PUDP: variants seen among roughly 807,000 people sequenced by gnomAD.
PUDP encodes pseudouridine-5'-phosphatase.
In PUDP, 8 loss-of-function variants were observed where a neutral mutation model predicts 9.4. The ratio of observed to expected loss-of-function variants is 0.85; its 90% CI spans 0.50 to 1.53. The LOEUF (loss-of-function observed/expected upper bound fraction) is 1.53, where lower values mean the gene tolerates loss of function less well. Among genes scored for constraint, PUDP ranks in the 40% most tolerant of loss-of-function variants. PUDP has a pLI of 0.00. For synonymous variants in PUDP, 99 were observed against 80.7 expected (o/e 1.23, Z -1.22); for missense variants, 188 against 189.7 (o/e 0.99, Z 0.05).
chrX:6,737,551 G>A (rs1317492893), intron 3 of PUDP, among the ~76,000 whole-genome samples: 1 of 106,186 alleles, frequency 9.4e-6, no homozygotes, highest in Non-Finnish European at 1.9e-5. Flanking sequence ...CCTGAAGGAG[G>A]AGCATTCCTG....
intron 3 of PUDP, among the ~76,000 whole-genome samples, chrX:6,837,544 G>C (rs1926601991): frequency 1.8e-5 from 2 of 112,707 alleles, no homozygotes; most frequent in Admixed American, 1.9e-4. Flanking sequence ...TCCTGGAAGG[G>C]AGTTAGAATT....
intron 3 of PUDP, among the ~76,000 whole-genome samples, chrX:6,775,504 T>C (rs6639668): frequency 2.0e-4 from 20 of 100,843 alleles, no homozygotes; most frequent in East Asian, 9.2e-4. Context: ...TACACACACA[T>C]ACACACACAC....
rs970614895 is a variant in PUDP, at chrX:7,105,705, C to T, written c.195G>A (p.Leu65=). The T allele has an allele frequency of 3.3e-6, 4 of 1,207,735 alleles. No individual in the cohort carries two copies. In the African/African-American group the frequency reaches 5.3e-5, roughly 16 times the overall value. Residue 65 remains leucine, a synonymous_variant, in exon 2 of 4, where the codon TTG becomes TTA. Coordinates refer to ENST00000381077, the MANE Select transcript of PUDP (RefSeq NM_012080.5). ...LEAAQIIIDV[L]QLPMSKEELV... is the part of the protein sequence containing the mutation. ...GCTCCTCTTTGGACATCGGGAGCTG[C>T]AAGACGTCTATTATAATCTGTGCCG...
chrX:6,794,828 G>C lies in PUDP; in HGVS notation c.*248-88362C>G, dbSNP rs191666286. On this transcript the variant is annotated intron_variant and NMD_transcript_variant, in intron 3 of 3. Coordinates refer to the PUDP transcript ENST00000655425. The stretch of plus-strand genomic sequence containing the variant: ...GCCACCTTGGCCTCCCAAAGTGCTG[G>C]GATTACAGGTGTGAGCCACCACACC... Among the ~76,000 whole-genome samples the C allele has an allele frequency of 1.5e-4, 16 of 109,171 alleles. No individual in the cohort carries two copies. In the Admixed American group the frequency reaches 1.5e-3, roughly 10 times the overall value. The allele number at this position is 109,171 out of a possible 115,157, so 94.8% of individuals were successfully genotyped here. A position where few individuals can be genotyped will look rare whatever the true frequency, so the allele number is the denominator to read the frequency against.
chrX:6,813,975 A>C (rs1390529319), intron 3 of PUDP, among the ~76,000 whole-genome samples: 1 of 111,333 alleles, frequency 9.0e-6, no homozygotes, highest in Non-Finnish European at 1.9e-5. Context: ...AGTGAAACGC[A>C]TTGGCTCACC....
At chrX:7,023,888 C>G (rs1337934943) in intron 1 of PUDP, among the ~76,000 whole-genome samples, 1 of 112,179 alleles carries the variant, frequency 8.9e-6, no homozygotes, top group African/African-American at 3.2e-5. Flanking sequence ...CCTTTTATTT[C>G]TCTCAAGAAT....
At chrX:7,054,215 C>G (rs1270566091) in intron 3 of PUDP, among the ~76,000 whole-genome samples, 3 of 111,067 alleles carry the variant, frequency 2.7e-5, no homozygotes, top group Non-Finnish European at 5.7e-5. Flanking sequence ...TCCAGACCAG[C>G]CTGGCCAACA....
intron 3 of PUDP, among the ~76,000 whole-genome samples, chrX:6,797,065 A>G (rs1251810449): frequency 2.7e-5 from 3 of 112,405 alleles, no homozygotes; most frequent in African/African-American, 9.7e-5. Context: ...TTAAATTTAA[A>G]AAAGAACTAT....
chrX:7,013,777 G>C (rs765614250), intron 1 of PUDP, among the ~76,000 whole-genome samples: 4 of 111,753 alleles, frequency 3.6e-5, no homozygotes, highest in Admixed American at 1.9e-4. Context: ...TGTCTGGGGA[G>C]GGGGGGTGCC....
chrX:6,830,314 G>A (rs186872287), intron 3 of PUDP, among the ~76,000 whole-genome samples: 1 of 110,585 alleles, frequency 9.0e-6, no homozygotes, highest in Admixed American at 9.7e-5. Flanking sequence ...TTCGTTTTCT[G>A]AAGTAAAATG....
At chrX:6,778,753 C>T (rs1452073951) in intron 3 of PUDP, among the ~76,000 whole-genome samples, 1 of 112,172 alleles carries the variant, frequency 8.9e-6, no homozygotes, top group Non-Finnish European at 1.9e-5. Flanking sequence ...AGAGAAAGAC[C>T]ATTTCCCACA....
chrX:6,910,010 A>G (rs934101355), intron 3 of PUDP, among the ~76,000 whole-genome samples: 2 of 112,156 alleles, frequency 1.8e-5, no homozygotes, highest in African/African-American at 6.5e-5. Flanking sequence ...TTGCAGCTGA[A>G]TTTGGCCATG....
chrX:6,723,889 G>A (rs1017482340), upstream of PUDP, among the ~76,000 whole-genome samples: 2 of 111,421 alleles, frequency 1.8e-5, no homozygotes, highest in Admixed American at 9.6e-5. Flanking sequence ...AAAAATGTTA[G>A]TATTTGTTAA....
chrX:7,133,485 G>A (rs1479248117), intron 1 of PUDP, among the ~76,000 whole-genome samples: 1 of 112,291 alleles, frequency 8.9e-6, no homozygotes, highest in Admixed American at 9.4e-5. Flanking sequence ...AGCGGCAAAG[G>A]AAGCCGGAAG....
At chrX:7,012,089 T>G (rs1602712989) in intron 1 of PUDP, among the ~76,000 whole-genome samples, 1 of 112,003 alleles carries the variant, frequency 8.9e-6, no homozygotes, top group Admixed American at 9.4e-5. Context: ...ACCGTTAGAG[T>G]AAAAATTGAG....
At chrX:6,946,837 C>T (rs1190514222) in intron 3 of PUDP, among the ~76,000 whole-genome samples, 3 of 111,833 alleles carry the variant, frequency 2.7e-5, no homozygotes, top group Non-Finnish European at 5.6e-5. Context: ...TGAATCATTC[C>T]AGTGGTGGGT....
chrX:7,021,519 A>T (rs981613720), intron 1 of PUDP, among the ~76,000 whole-genome samples: 1 of 112,103 alleles, frequency 8.9e-6, no homozygotes, highest in Admixed American at 9.5e-5. Context: ...TGTTGGTTAA[A>T]CCGTGATGCT....
intron 3 of PUDP, among the ~76,000 whole-genome samples, chrX:6,921,071 T>C (rs1388291743): frequency 1.8e-5 from 2 of 110,808 alleles, no homozygotes; most frequent in African/African-American, 6.6e-5. Flanking sequence ...GTCCTTGGCT[T>C]GAGTCACGGG....
At chrX:6,781,022 G>A (rs1420233858) in intron 3 of PUDP, among the ~76,000 whole-genome samples, 4 of 110,952 alleles carry the variant, frequency 3.6e-5, no homozygotes, top group Non-Finnish European at 7.6e-5. Context: ...GTGACAGAGC[G>A]AGACTCTGTC....
Sources: allele counts gnomAD v4.1 joint callset (sites outside exome capture counted in the v4.1 genomes callset), GRCh38; gene constraint gnomAD v4.1.1; transcripts MANE v1.5; gene names NCBI Gene and HGNC (gene_info 2026-07-23, HGNC 2026-07-21).